The following SNTB1 variants were observed in gnomAD, a reference collection of about 807,000 sequenced individuals.
SNTB1 encodes beta-1-syntrophin.
In SNTB1, 36 loss-of-function variants were observed where a neutral mutation model predicts 48.9. The ratio of observed to expected loss-of-function variants is 0.74; its 90% CI spans 0.56 to 0.97. SNTB1 has a LOEUF of 0.97. Among genes scored for constraint, SNTB1 ranks in the 50% least tolerant of loss-of-function variants. The pLI is 0.00. For missense variants in SNTB1, 786 were observed against 703.4 expected (o/e 1.12, Z -1.33); for synonymous variants, 299 against 294.6 (o/e 1.01, Z -0.15).
chr8:120,556,448 T>C (rs755685055), intron 4 of SNTB1, among the ~76,000 whole-genome samples: 2 of 152,266 alleles, frequency 1.3e-5, no homozygotes, highest in South Asian at 2.1e-4. Context: ...ATATTTGTTA[T>C]TTCATTCCTA....
intron 1 of SNTB1, among the ~76,000 whole-genome samples, chr8:120,793,233 A>C (rs1820068152): frequency 6.6e-6 from 1 of 151,968 alleles, no homozygotes; most frequent in African/African-American, 2.4e-5. Context: ...AGGGTGGGGG[A>C]AAGAGAGGTG....
intron 3 of SNTB1, among the ~76,000 whole-genome samples, chr8:120,616,966 C>T (rs748736415): frequency 4.6e-5 from 7 of 152,218 alleles, no homozygotes; most frequent in Admixed American, 1.3e-4. Context: ...TATGCTCACT[C>T]ATCAAATCAT....
chr8:120,720,597 G>A (rs939571869), intron 1 of SNTB1, among the ~76,000 whole-genome samples: 5 of 152,246 alleles, frequency 3.3e-5, no homozygotes, highest in African/African-American at 1.2e-4. Context: ...ACTGACTTAT[G>A]GCGAGAAGTA....
intron 2 of SNTB1, among the ~76,000 whole-genome samples, chr8:120,634,928 T>C (rs1817049126): frequency 6.6e-6 from 1 of 151,216 alleles, no homozygotes; most frequent in South Asian, 2.1e-4. Context: ...CTTGGCTCAC[T>C]GCAAGCTCCG....
Position 120,632,374 on chromosome 8 carries a change from T to C in SNTB1, c.996+70A>G, listed in dbSNP as rs1816997007. 28 of 1,375,822 alleles carry C rather than the reference T, an allele frequency of 2.0e-5. No homozygotes were observed. The Admixed American group carries it at 5.1e-4, about 25-fold the overall frequency. 85.2% of individuals were successfully genotyped at this position (1,375,822 alleles called of 1,614,324 possible). A position where few individuals can be genotyped will look rare whatever the true frequency, so the allele number is the denominator to read the frequency against. ...AGAATCAGCCTATGGGATGAGATAG[T>C]TTTAGTGGTTATGAGCGCTGGGGGA... On this transcript the variant is annotated intron_variant, in intron 3 of 6. Coordinates refer to ENST00000517992, the MANE Select transcript of SNTB1 (RefSeq NM_021021.4).
intron 4 of SNTB1, among the ~76,000 whole-genome samples, chr8:120,564,228 T>A (rs1179501029): frequency 6.6e-6 from 1 of 152,140 alleles, no homozygotes; most frequent in East Asian, 1.9e-4. Context: ...AGATAGGGCC[T>A]AAGATGAGCT....
intron 1 of SNTB1, among the ~76,000 whole-genome samples, chr8:120,696,820 C>T (rs1171631137): frequency 6.6e-6 from 1 of 152,044 alleles, no homozygotes. Context: ...TTTGATTTCC[C>T]AGAGATAATA....
intron 3 of SNTB1, among the ~76,000 whole-genome samples, chr8:120,601,548 C>CA (rs1263625901): frequency 6.6e-6 from 1 of 152,104 alleles, no homozygotes; most frequent in East Asian, 1.9e-4. Flanking sequence ...CTTTACAAAA[C>CA]AAAAAATACA....
chr8:120,620,268 G>A (rs1277626050), intron 3 of SNTB1, among the ~76,000 whole-genome samples: 2 of 152,196 alleles, frequency 1.3e-5, no homozygotes, highest in Admixed American at 1.3e-4. Context: ...TGCTGGCCCT[G>A]TGCCAGCCAT....
At chr8:120,801,185 A>C (rs1301979704) in intron 1 of SNTB1, among the ~76,000 whole-genome samples, 1 of 152,036 alleles carries the variant, frequency 6.6e-6, no homozygotes, top group Non-Finnish European at 1.5e-5. Context: ...ATTAACCTTG[A>C]TTTTCATTGC....
intron 2 of SNTB1, among the ~76,000 whole-genome samples, chr8:120,654,654 T>C (rs1466211626): frequency 1.3e-5 from 2 of 152,178 alleles, no homozygotes; most frequent in Non-Finnish European, 2.9e-5. Context: ...GTATGAATGA[T>C]ATCACAGCTT....
At chr8:120,630,225 G>A (rs1325035655) in intron 3 of SNTB1, among the ~76,000 whole-genome samples, 4 of 152,206 alleles carry the variant, frequency 2.6e-5, no homozygotes, top group African/African-American at 4.8e-5. Context: ...TCTTACCTCT[G>A]GCTTCCAGCC....
intron 3 of SNTB1, among the ~76,000 whole-genome samples, chr8:120,581,433 G>T (rs759617521): frequency 6.6e-6 from 1 of 151,594 alleles, no homozygotes; most frequent in South Asian, 2.1e-4. Flanking sequence ...GTGAAAACTC[G>T]TCTCTACTAA....
chr8:120,657,827 C>G (rs1351293568), intron 2 of SNTB1, among the ~76,000 whole-genome samples: 2 of 152,216 alleles, frequency 1.3e-5, no homozygotes, highest in Non-Finnish European at 2.9e-5. Flanking sequence ...GAACTCAACA[C>G]AGATATTGTT....
chr8:120,740,530 C>T (rs1819024892), intron 1 of SNTB1, among the ~76,000 whole-genome samples: 1 of 152,134 alleles, frequency 6.6e-6, no homozygotes, highest in Non-Finnish European at 1.5e-5. Context: ...ATCAACACAA[C>T]CTAACTCCTA....
At chr8:120,565,491 G>A (rs1815734690) in intron 4 of SNTB1, among the ~76,000 whole-genome samples, 1 of 152,166 alleles carries the variant, frequency 6.6e-6, no homozygotes, top group South Asian at 2.1e-4. Context: ...CAGAACCCAC[G>A]CTCTGGAGCA....
chr8:120,612,553 C>A (rs1349857212), intron 3 of SNTB1, among the ~76,000 whole-genome samples: 1 of 152,066 alleles, frequency 6.6e-6, no homozygotes, highest in Admixed American at 6.6e-5. Flanking sequence ...CCCAAATCTG[C>A]TTTTATTTTA....
Position 120,538,777 on chromosome 8 carries a change from C to T in SNTB1, c.*100G>A, listed in dbSNP as rs117541772. On this transcript the variant is annotated 3_prime_UTR_variant, in exon 7 of 7. Transcript: ENST00000517992. Reference sequence around the variant, plus strand: ...TTGAGAGCTAAAGCTGACTGTAGCACGCTACATCTGGTGCGCTGCTCACTA... The same window carrying T: ...TTGAGAGCTAAAGCTGACTGTAGCATGCTACATCTGGTGCGCTGCTCACTA... 1.6e-4 allele frequency: 153 copies of T among 969,886 alleles called. 1 individual carries two copies. In the East Asian group the frequency reaches 3.2e-3, roughly 20 times the overall value. The allele number at this position is 969,886 out of a possible 1,614,324, so 60.1% of individuals were successfully genotyped here. A position where few individuals can be genotyped will look rare whatever the true frequency, so the allele number is the denominator to read the frequency against.
At chr8:120,618,740 G>C (rs923602638) in intron 3 of SNTB1, among the ~76,000 whole-genome samples, 14 of 152,164 alleles carry the variant, frequency 9.2e-5, no homozygotes, top group Admixed American at 9.2e-4. Flanking sequence ...TTGGACGCTG[G>C]ATGAAATTAC....
Sources: gnomAD v4.1 joint callset for allele counts (sites outside exome capture counted in the v4.1 genomes callset) on GRCh38, gnomAD v4.1.1 for gene constraint, MANE v1.5 for transcripts, NCBI Gene and HGNC (gene_info 2026-07-23, HGNC 2026-07-21) for gene names.